The following PRKN variants were observed in gnomAD, a reference collection of about 807,000 sequenced individuals.
The protein encoded by PRKN is parkin RBR E3 ubiquitin protein ligase, also known as E3 ubiquitin-protein ligase parkin.
In PRKN, 56 loss-of-function variants were observed where a neutral mutation model predicts 59.5. The observed-to-expected ratio is 0.94, with a 90% CI of 0.76 to 1.18. The LOEUF (loss-of-function observed/expected upper bound fraction) is 1.18. Among genes scored for constraint, PRKN ranks in the 50% most tolerant of loss-of-function variants. The pLI, the probability that PRKN is intolerant of heterozygous loss-of-function variation, is 0.00. For synonymous variants in PRKN, 250 were observed against 222.1 expected (o/e 1.13, Z -1.12); for missense variants, 657 against 596.4 (o/e 1.10, Z -1.06).
chr6:161,785,877 G>T lies in PRKN; in HGVS notation c.766C>A (p.Arg256Ser). 1 of 1,614,076 alleles carries T rather than the reference G, an allele frequency of 6.2e-7. No homozygotes were observed. Among genetic ancestry groups the T allele is most frequent in the East Asian group, 2.2e-5 (1 of 44,864 alleles). ...SPVLVFQCNSRHVICLDCFHL... is the reference protein window; with the variant it reads ...SPVLVFQCNSSHVICLDCFHL... ...AAACAGTCTAAGCAAATCACGTGGC[G>T]GGAGTTGCACTGGAAAACCAGGACG... Residue 256 changes from arginine to serine, a missense_variant, in exon 7 of 12, where the codon CGC (arginine) becomes AGC (serine). Physicochemically the swap from Arg to Ser is moderately radical, Grantham distance 110. Coordinates refer to ENST00000366898, the MANE Select transcript of PRKN (RefSeq NM_004562.3).
chr6:162,196,288 A>C, intron 4 of PRKN, among the ~76,000 whole-genome samples: 1 of 152,200 alleles, frequency 6.6e-6, no homozygotes, highest in East Asian at 1.9e-4. Flanking sequence ...AATAATTAAA[A>C]ATTAATACAG....
At chr6:162,112,888 A>G (rs1780502963) in intron 4 of PRKN, among the ~76,000 whole-genome samples, 1 of 152,072 alleles carries the variant, frequency 6.6e-6, no homozygotes, top group South Asian at 2.1e-4. Context: ...GCGCCACTGC[A>G]CTCCACCCTG....
rs1488471781 is a variant in PRKN, at chr6:161,376,719, G to C, written c.1167+10075C>G. Reference sequence around the variant, plus strand: ...GGCTCACCTCTAGCCTCCTACCTCTGGCTCCCCTCAGTCTTCTGTGGCAAC... The same window carrying C: ...GGCTCACCTCTAGCCTCCTACCTCTCGCTCCCCTCAGTCTTCTGTGGCAAC... On this transcript the variant is annotated intron_variant, in intron 10 of 11. Transcript: ENST00000366898. This position sits in a 1 kb window ranked among gnomAD's most constrained non-coding sequence, Gnocchi z 7.3. 6.6e-6 allele frequency among the ~76,000 whole-genome samples: 1 copy of C among 152,144 alleles called. No individual in the cohort carries two copies. Among genetic ancestry groups the C allele is most frequent in the Non-Finnish European group, 1.5e-5 (1 of 68,020 alleles).
At chr6:161,795,228 CTTTTT>C (rs58319044) in intron 6 of PRKN, among the ~76,000 whole-genome samples, 2 of 128,426 alleles carry the variant, frequency 1.6e-5, no homozygotes, top group Admixed American at 8.3e-5. Flanking sequence ...GTTTTCTTTT[CTTTTT>C]TTTTTTTTTT....
At chr6:162,583,940 G>T (rs373248456) in intron 1 of PRKN, among the ~76,000 whole-genome samples, 34 of 152,166 alleles carry the variant, frequency 2.2e-4, no homozygotes, top group Non-Finnish European at 4.7e-4. Context: ...ATAGCTGGGC[G>T]CGGTGGCTCA....
At chr6:162,167,611 A>AT (rs34070887) in intron 4 of PRKN, among the ~76,000 whole-genome samples, 34 of 145,274 alleles carry the variant, frequency 2.3e-4, no homozygotes, top group South Asian at 1.1e-3. Context: ...AATAACAGGG[A>AT]TTTTTTTTTT....
rs540509722 is a variant in PRKN at position 162,033,260 on chromosome 6, C to T, written c.618+20831G>A. Among the ~76,000 whole-genome samples, 29 of 152,316 alleles carry T rather than the reference C, an allele frequency of 1.9e-4. No homozygotes were observed. The East Asian group carries it at 5.6e-3, about 29-fold the overall frequency. ...CTGAAACATCTCTTTTTATGGAAGA[C>T]ATTCATTGATACCTTCAGTCTTAAA... On this transcript the variant is annotated intron_variant, in intron 5 of 11. Transcript: ENST00000366898.
At chr6:162,358,126 A>G (rs1470625959) in intron 2 of PRKN, among the ~76,000 whole-genome samples, 1 of 152,222 alleles carries the variant, frequency 6.6e-6, no homozygotes, top group African/African-American at 2.4e-5. Context: ...ACACAAATGC[A>G]AGATGTGTTA....
chr6:162,324,999 T>A (rs1341330794), intron 2 of PRKN, among the ~76,000 whole-genome samples: 2 of 152,024 alleles, frequency 1.3e-5, no homozygotes, highest in African/African-American at 2.4e-5. Context: ...TAATTTAATT[T>A]AAAAAAACTG....
chr6:162,705,930 A>C (rs1249552411), intron 1 of PRKN, among the ~76,000 whole-genome samples: 1 of 152,138 alleles, frequency 6.6e-6, no homozygotes, highest in Non-Finnish European at 1.5e-5. Context: ...AAACACTTCT[A>C]TTTATTCAGA....
At chr6:162,118,565 G>A (rs1177931618) in intron 4 of PRKN, among the ~76,000 whole-genome samples, 2 of 152,104 alleles carry the variant, frequency 1.3e-5, no homozygotes, top group African/African-American at 2.4e-5. Flanking sequence ...TGAAGCTGTG[G>A]CTGCTCAGTC....
intron 6 of PRKN, among the ~76,000 whole-genome samples, chr6:161,876,963 T>C (rs925439419): frequency 6.6e-6 from 1 of 152,172 alleles, no homozygotes; most frequent in Non-Finnish European, 1.5e-5. Context: ...TTTTCAGAAG[T>C]ATTCATACTT....
chr6:162,025,621 C>T (rs1264230594), intron 5 of PRKN, among the ~76,000 whole-genome samples: 2 of 106,884 alleles, frequency 1.9e-5, no homozygotes, highest in Admixed American at 1.4e-4. Context: ...GACGGAGTCA[C>T]TCTGTTGCCC....
intron 5 of PRKN, among the ~76,000 whole-genome samples, chr6:162,005,940 G>A (rs2128264966): frequency 1.3e-5 from 2 of 151,638 alleles, no homozygotes; most frequent in Admixed American, 1.3e-4. Flanking sequence ...TAATATAAAA[G>A]GATAGTGTAT....
rs1202836865 is a variant in PRKN at position 161,400,539 on chromosome 6, C to T, written c.1084-13662G>A. Among the ~76,000 whole-genome samples, 2 of 152,172 alleles carry T rather than the reference C, an allele frequency of 1.3e-5. No individual in the cohort carries two copies. Among genetic ancestry groups the T allele is most frequent in the South Asian group, 2.1e-4 (1 of 4,814 alleles). ...ATATTGGCCAGGCTGGTCTCAAACC[C>T]CTGACCTCAGGTAATCCGTTCCCCT... On this transcript the variant is annotated intron_variant, in intron 9 of 11. Transcript: ENST00000366898. This position sits in a 1 kb window ranked among gnomAD's most constrained non-coding sequence, Gnocchi z 4.2.
chr6:162,466,430 G>A (rs571919047), intron 1 of PRKN, among the ~76,000 whole-genome samples: 1 of 152,188 alleles, frequency 6.6e-6, no homozygotes, highest in African/African-American at 2.4e-5. Context: ...GCAGGGTATC[G>A]CTCTGTCACC....
intron 5 of PRKN, among the ~76,000 whole-genome samples, chr6:162,053,024 C>T (rs1010907862): frequency 3.3e-5 from 5 of 152,120 alleles, no homozygotes; most frequent in Non-Finnish European, 7.3e-5. Flanking sequence ...ACTCTAATTT[C>T]ATCCTGGTAG....
chr6:162,099,588 TG>T (rs1779881648), intron 4 of PRKN, among the ~76,000 whole-genome samples: 1 of 152,192 alleles, frequency 6.6e-6, no homozygotes, highest in South Asian at 2.1e-4. Flanking sequence ...GTATAATACA[TG>T]TATGTCTTTT....
chr6:161,823,747 G>A (rs145344612), intron 6 of PRKN, among the ~76,000 whole-genome samples: 2 of 152,264 alleles, frequency 1.3e-5, no homozygotes, highest in East Asian at 1.9e-4. Flanking sequence ...TGCAAACCCC[G>A]TGCACTGAGG....
Sources: gnomAD v4.1 joint callset for allele counts (sites outside exome capture counted in the v4.1 genomes callset) on GRCh38, gnomAD v4.1.1 for gene constraint, Gnocchi (gnomAD v3.1) non-coding constraint, MANE v1.5 for transcripts, NCBI Gene and HGNC (gene_info 2026-07-23, HGNC 2026-07-21) for gene names.